DPP10: variants seen among roughly 807,000 people sequenced by gnomAD.
DPP10 encodes the protein dipeptidyl peptidase like 10, also known as inactive dipeptidyl peptidase 10.
DPP10 carries 33 observed loss-of-function variants against 120.9 expected under a neutral mutation model. The observed-to-expected ratio is 0.27, with a 90% CI of 0.21 to 0.37. The LOEUF is 0.37. Ranked by LOEUF, DPP10 falls within the 10% of genes least tolerant of loss-of-function variation. DPP10 has a pLI of 1.00. For synonymous variants in DPP10, 337 were observed against 326.1 expected (o/e 1.03, Z -0.36); for missense variants, 816 against 942.8 (o/e 0.87, Z 1.76).
chr2:115,576,084 C>G (rs2081636556), intron 5 of DPP10, among the ~76,000 whole-genome samples: 1 of 152,102 alleles, frequency 6.6e-6, no homozygotes, highest in African/African-American at 2.4e-5. Context: ...GACTTGTGAC[C>G]TATGAAACTG....
At chr2:115,455,401 T>C (rs144021942) in intron 3 of DPP10, among the ~76,000 whole-genome samples, 15 of 152,202 alleles carry the variant, frequency 9.9e-5, no homozygotes, top group African/African-American at 3.6e-4. Flanking sequence ...CCAAATTGAT[T>C]TATAGATTCA....
chr2:114,847,669 C>T (rs527339148), intron 1 of DPP10, among the ~76,000 whole-genome samples: 2 of 152,158 alleles, frequency 1.3e-5, no homozygotes, highest in African/African-American at 4.8e-5. Flanking sequence ...TAATAAGGAA[C>T]TGTCTCCTTT....
At chr2:114,753,908 C>CAAAAAAAAA (rs777798352) in intron 1 of DPP10, among the ~76,000 whole-genome samples, 2 of 33,746 alleles carry the variant, frequency 5.9e-5, no homozygotes, top group African/African-American at 1.8e-4. Context: ...GACTCCTTCT[C>CAAAAAAAAA]AAAAAAAAAA....
intron 5 of DPP10, among the ~76,000 whole-genome samples, chr2:115,621,024 A>G (rs2084906501): frequency 6.6e-6 from 1 of 152,222 alleles, no homozygotes; most frequent in African/African-American, 2.4e-5. Flanking sequence ...ATCTCAAAAT[A>G]ACATGGTTAT....
At chr2:115,746,903 G>A (rs1678050848) in intron 10 of DPP10, among the ~76,000 whole-genome samples, 1 of 152,102 alleles carries the variant, frequency 6.6e-6, no homozygotes, top group Non-Finnish European at 1.5e-5. Context: ...ACATTATATT[G>A]AATGATGTGG....
At chr2:114,917,807 C>A (rs1351606455) in intron 1 of DPP10, among the ~76,000 whole-genome samples, 2 of 152,056 alleles carry the variant, frequency 1.3e-5, no homozygotes, top group Admixed American at 6.6e-5. Context: ...AAAATCAACT[C>A]AAGATGGATT....
intron 5 of DPP10, among the ~76,000 whole-genome samples, chr2:115,614,629 T>A (rs1558927632): frequency 6.6e-6 from 1 of 152,172 alleles, no homozygotes; most frequent in African/African-American, 2.4e-5. Flanking sequence ...TTCGTTATGT[T>A]GGCCAGGCTG....
At chr2:115,806,692 A>T (rs1156396558) in intron 19 of DPP10, among the ~76,000 whole-genome samples, 1 of 152,132 alleles carries the variant, frequency 6.6e-6, no homozygotes, top group Non-Finnish European at 1.5e-5. Context: ...GCCTATATGT[A>T]TTGTCAGCCT....
chr2:114,570,009 A>T (rs1689500895), intron 1 of DPP10, among the ~76,000 whole-genome samples: 1 of 152,206 alleles, frequency 6.6e-6, no homozygotes, highest in African/African-American at 2.4e-5. Flanking sequence ...AGAATAAAAT[A>T]GTAAAACTAG....
chr2:114,783,885 C>A (rs1443377385), intron 1 of DPP10, among the ~76,000 whole-genome samples: 2 of 152,038 alleles, frequency 1.3e-5, no homozygotes, highest in African/African-American at 4.8e-5. Flanking sequence ...TTGCTCTAGT[C>A]ACTGCTGTAG....
chr2:115,482,248 G>C lies in DPP10; in HGVS notation c.272-17262G>C, dbSNP rs563368317. Among the ~76,000 whole-genome samples, 81 of 151,224 alleles carry C rather than the reference G, an allele frequency of 5.4e-4. No homozygotes were observed. In the South Asian group the frequency reaches 0.017, roughly 31 times the overall value. On this transcript the variant is annotated intron_variant, in intron 3 of 25. Transcript: ENST00000410059. ...ATTTTTTAAAAATAATTTTTATTGT[G>C]TCTATTTAATGTATGTATACATCAT... is the stretch of plus-strand genomic sequence containing the variant.
At chr2:115,321,610 A>T (rs2062067582) in intron 2 of DPP10, among the ~76,000 whole-genome samples, 1 of 149,508 alleles carries the variant, frequency 6.7e-6, no homozygotes, top group Admixed American at 6.7e-5. Flanking sequence ...ATTTGTTTAA[A>T]TACTCTTTCT....
intron 7 of DPP10, among the ~76,000 whole-genome samples, chr2:115,692,140 G>T (rs2091352545): frequency 1.3e-5 from 2 of 151,726 alleles, no homozygotes; most frequent in Admixed American, 6.6e-5. Flanking sequence ...GTATGGTGGG[G>T]TTTTTTGTTT....
intron 1 of DPP10, among the ~76,000 whole-genome samples, chr2:115,272,758 C>T (rs974670123): frequency 1.3e-5 from 2 of 152,246 alleles, no homozygotes; most frequent in African/African-American, 2.4e-5. Context: ...CCCCTGCCCA[C>T]GCACCTGCAC....
intron 1 of DPP10, among the ~76,000 whole-genome samples, chr2:114,806,714 T>G (rs566138241): frequency 8.5e-5 from 13 of 152,320 alleles, no homozygotes; most frequent in African/African-American, 3.1e-4. Context: ...CATATTACAA[T>G]AAAACCATAT....
At chr2:115,678,440 G>T (rs904626727) in intron 5 of DPP10, among the ~76,000 whole-genome samples, 3 of 152,236 alleles carry the variant, frequency 2.0e-5, no homozygotes, top group African/African-American at 7.2e-5. Context: ...TTGGCAGCTT[G>T]CCTTGCACAT....
Position 115,297,250 on chromosome 2 carries a change from G to T in DPP10, c.61-11989G>T, listed in dbSNP as rs780148246. The T allele has an allele frequency of 1.5e-5, 6 of 388,114 alleles. No homozygotes were observed. In the East Asian group the frequency reaches 4.0e-4, roughly 26 times the overall value. The allele number at this position is 388,114 out of a possible 1,614,324, so 24.0% of individuals were successfully genotyped here. On this transcript the variant is annotated intron_variant, in intron 1 of 25. Transcript: ENST00000410059. ...TGGCATAAGCTGGGCACACACTGCT[G>T]TTCCTGTTTTATGCCTAGGAAGATG...
chr2:114,562,682 TA>T (rs976859947), intron 1 of DPP10, among the ~76,000 whole-genome samples: 3 of 152,200 alleles, frequency 2.0e-5, no homozygotes, highest in African/African-American at 7.2e-5. Context: ...AATTGGAGCT[TA>T]GATTCATATT....
chr2:115,560,720 G>A (rs927476753), intron 5 of DPP10, among the ~76,000 whole-genome samples: 2 of 151,534 alleles, frequency 1.3e-5, no homozygotes, highest in African/African-American at 4.8e-5. Flanking sequence ...GCTCAAGCTA[G>A]CAAAGTGATA....
Sources: gnomAD v4.1 joint callset for allele counts (sites outside exome capture counted in the v4.1 genomes callset) on GRCh38, gnomAD v4.1.1 for gene constraint, MANE v1.5 for transcripts, NCBI Gene and HGNC (gene_info 2026-07-23, HGNC 2026-07-21) for gene names.